The following GALNTL5 variants were observed in gnomAD, a reference collection of about 807,000 sequenced individuals.
The protein encoded by GALNTL5 is polypeptide N-acetylgalactosaminyltransferase like 5.
In GALNTL5, 44 loss-of-function variants were observed where a neutral mutation model predicts 51.0. The ratio of observed to expected loss-of-function variants is 0.86; its 90% CI spans 0.68 to 1.11. The LOEUF (loss-of-function observed/expected upper bound fraction) is 1.11. Among genes scored for constraint, GALNTL5 ranks in the 50% least tolerant of loss-of-function variants. GALNTL5 has a pLI of 0.00. For synonymous variants in GALNTL5, 192 were observed against 182.8 expected, an observed-to-expected ratio of 1.05 and a Z score of -0.41; for missense variants, 528 against 531.8, an observed-to-expected ratio of 0.99 and a Z score of 0.07.
rs199874244 is a variant in GALNTL5 at position 152,019,732 on chromosome 7, T to C, written c.1263T>C (p.Gly421=). The part of the protein sequence containing the change: ...RERVELRKRL[G]CKSFQWYLDN... ...GTGTTGAGTTAAGGAAACGACTGGG[T>C]TGCAAGTCATTTCAGTGGTATTTGG... The change falls in exon 9 of 9, where the codon GGT becomes GGC. Residue 421 remains glycine (G), a synonymous_variant. Coordinates refer to ENST00000392800, the MANE Select transcript of GALNTL5 (RefSeq NM_145292.4). 16 of 1,613,534 alleles carry C rather than the reference T, an allele frequency of 9.9e-6. No homozygotes were observed. In the African/African-American group the frequency reaches 2.0e-4, roughly 20 times the overall value.
intron 6 of GALNTL5, 56 bp from the exon 7 acceptor site, chr7:152,007,771 A>G: frequency 2.0e-6 from 2 of 989,028 alleles, no homozygotes; most frequent in South Asian, 1.3e-5. Flanking sequence ...ATTTTGAGGA[A>G]ACTACAGAAT....
intron 4 of GALNTL5, chr7:151,984,205 G>A (rs2081333028): frequency 6.6e-6 from 1 of 152,202 alleles, no homozygotes; most frequent in Non-Finnish European, 1.5e-5. Flanking sequence ...GCAGTTAAGT[G>A]TGTATTCTTT....
At chr7:151,969,081 A>T (rs2081094542) in intron 2 of GALNTL5, among the ~76,000 whole-genome samples, 1 of 152,106 alleles carries the variant, frequency 6.6e-6, no homozygotes, top group Non-Finnish European at 1.5e-5. Flanking sequence ...TATTCTCTTT[A>T]ATGGTGTTAT....
At chr7:151,982,955 A>G (rs770510579) in intron 3 of GALNTL5, 31 bp from the exon 4 acceptor site, 82 of 1,613,766 alleles carry the variant, frequency 5.1e-5, no homozygotes, top group Non-Finnish European at 6.5e-5. Flanking sequence ...ATTTAGATGG[A>G]TGGTTTTCTT....
At chr7:151,959,295 C>T (rs925199928) in intron 1 of GALNTL5, among the ~76,000 whole-genome samples, 9 of 151,720 alleles carry the variant, frequency 5.9e-5, no homozygotes, top group African/African-American at 1.9e-4. Flanking sequence ...TGGAAGTTAA[C>T]TTTAGATAAC....
rs908225118 is a variant in GALNTL5 at position 151,981,029 on chromosome 7, G to A, written c.369-1957G>A. 4.1e-4 allele frequency among the ~76,000 whole-genome samples: 63 copies of A among 152,018 alleles called. 1 individual carries two copies. Among genetic ancestry groups the A allele is most frequent in the Non-Finnish European group, 3.7e-4 (25 of 68,016 alleles). On this transcript the variant is annotated intron_variant, in intron 3 of 8. Coordinates refer to ENST00000392800, the MANE Select transcript of GALNTL5 (RefSeq NM_145292.4). ...CAAAGTGCTGGGATTACAGGCTTGA[G>A]CCACCGCGCCCGGCCACAATGATTT...
intron 6 of GALNTL5, among the ~76,000 whole-genome samples, chr7:152,005,630 A>T (rs1215683133): frequency 6.6e-6 from 1 of 152,152 alleles, no homozygotes; most frequent in Non-Finnish European, 1.5e-5. Flanking sequence ...AGGACCTACT[A>T]AACCAATCTG....
chr7:152,017,651 T>C (rs993326507), intron 8 of GALNTL5, among the ~76,000 whole-genome samples: 1 of 152,096 alleles, frequency 6.6e-6, no homozygotes, highest in South Asian at 2.1e-4. Context: ...AGGGCAATGA[T>C]CAGGAAAGAA....
chr7:151,992,785 T>G (rs746109085), intron 5 of GALNTL5, among the ~76,000 whole-genome samples: 10 of 152,308 alleles, frequency 6.6e-5, no homozygotes, highest in Non-Finnish European at 1.0e-4. Context: ...AGGGGAGTCT[T>G]ATTTTTTTTA....
chr7:151,981,504 C>A (rs918833150), intron 3 of GALNTL5, among the ~76,000 whole-genome samples: 1 of 152,058 alleles, frequency 6.6e-6, no homozygotes, highest in Non-Finnish European at 1.5e-5. Context: ...GCTTCTAGGT[C>A]CTGTGAGACA....
intron 3 of GALNTL5, among the ~76,000 whole-genome samples, chr7:151,973,114 C>T (rs929371780): frequency 3.3e-5 from 5 of 152,130 alleles, no homozygotes; most frequent in South Asian, 4.1e-4. Flanking sequence ...CCTTGCATCA[C>T]TGTGACCTGG....
At chr7:151,984,253 T>G (rs1043664903) in intron 4 of GALNTL5, 1 of 152,182 alleles carries the variant, frequency 6.6e-6, no homozygotes, top group Non-Finnish European at 1.5e-5. Flanking sequence ...ATACTAGCAC[T>G]AGTTAACTAC....
chr7:152,015,382 C>T (rs1231376168), intron 8 of GALNTL5, among the ~76,000 whole-genome samples: 12 of 138,044 alleles, frequency 8.7e-5, no homozygotes, highest in East Asian at 2.1e-4. Context: ...TTTTTTGAGA[C>T]GGAGTCTTGC....
intron 1 of GALNTL5, among the ~76,000 whole-genome samples, chr7:151,965,470 CAG>C (rs2151938120): frequency 6.6e-6 from 1 of 152,270 alleles, no homozygotes; most frequent in South Asian, 2.1e-4. Context: ...CAATTTCAAA[CAG>C]AAGGAAAATA....
At chr7:151,973,786 G>A (rs2081176085) in intron 3 of GALNTL5, among the ~76,000 whole-genome samples, 1 of 58,232 alleles carries the variant, frequency 1.7e-5, no homozygotes, top group African/African-American at 4.5e-5. Context: ...GAGGGGCCAG[G>A]GGCAGAATGA....
chr7:151,976,053 A>G (rs958638684), intron 3 of GALNTL5, among the ~76,000 whole-genome samples: 1 of 152,170 alleles, frequency 6.6e-6, no homozygotes, highest in African/African-American at 2.4e-5. Context: ...CAGCTGTTGG[A>G]TAAAATGCTC....
intron 8 of GALNTL5, among the ~76,000 whole-genome samples, chr7:152,019,168 G>C (rs2081857061): frequency 6.6e-6 from 1 of 152,184 alleles, no homozygotes; most frequent in African/African-American, 2.4e-5. Context: ...ACTTCGCAAG[G>C]GGAAGACTTG....
chr7:151,980,183 A>C (rs1191693550), intron 3 of GALNTL5, among the ~76,000 whole-genome samples: 1 of 152,100 alleles, frequency 6.6e-6, no homozygotes, highest in East Asian at 1.9e-4. Context: ...TTCTGGGTTC[A>C]AGTGATTCTC....
intron 1 of GALNTL5, among the ~76,000 whole-genome samples, chr7:151,964,327 C>T (rs140437760): frequency 1.6e-4 from 25 of 152,312 alleles, no homozygotes; most frequent in African/African-American, 6.0e-4. Context: ...CCGTTCATTG[C>T]AGCATTCGAT....
Sources: allele counts gnomAD v4.1 joint callset (sites outside exome capture counted in the v4.1 genomes callset), GRCh38; gene constraint gnomAD v4.1.1; transcripts MANE v1.5; gene names NCBI Gene and HGNC (gene_info 2026-07-23, HGNC 2026-07-21).